Variants in ABCC1 observed in about 807,000 individuals in gnomAD.
ABCC1 encodes multidrug resistance-associated protein 1.
Under a neutral mutation model 172.9 loss-of-function variants are expected in ABCC1, and 83 were observed. The ratio of observed to expected loss-of-function variants is 0.48; its 90% CI spans 0.40 to 0.58. The LOEUF (loss-of-function observed/expected upper bound fraction) is 0.58. Ranked by LOEUF, ABCC1 falls within the 20% of genes least tolerant of loss-of-function variation. The pLI is 0.00. For missense variants in ABCC1, 1,817 were observed against 2,002.7 expected, an observed-to-expected ratio of 0.91 and a Z score of 1.77; for synonymous variants, 937 against 825.2, an observed-to-expected ratio of 1.14 and a Z score of -2.32.
intron 26 of ABCC1, 82 bp downstream of exon 26, chr16:16,125,993 C>A: frequency 1.0e-6 from 1 of 972,266 alleles, no homozygotes. Context: ...ATCCTGTGCA[C>A]CTCTGCCTCT....
intron 25 of ABCC1, among the ~76,000 whole-genome samples, chr16:16,125,437 A>T (rs1039703675): frequency 2.0e-5 from 3 of 151,308 alleles, no homozygotes; most frequent in East Asian, 3.9e-4. Context: ...TTATTTATTT[A>T]TTTTTTTTGG....
chr16:16,060,275 C>T (rs1194091062), intron 12 of ABCC1, among the ~76,000 whole-genome samples: 4 of 152,144 alleles, frequency 2.6e-5, no homozygotes, highest in African/African-American at 9.7e-5. Flanking sequence ...CCTCCTTCCT[C>T]ATGCCCACAG....
intron 3 of ABCC1, among the ~76,000 whole-genome samples, chr16:16,011,828 C>T (rs1195689945): frequency 2.6e-5 from 4 of 152,098 alleles, no homozygotes; most frequent in Non-Finnish European, 5.9e-5. Context: ...CGCCACCACG[C>T]CCGGCTGATT....
intron 16 of ABCC1, among the ~76,000 whole-genome samples, chr16:16,082,626 G>A (rs1005692546): frequency 6.6e-6 from 1 of 152,060 alleles, no homozygotes; most frequent in African/African-American, 2.4e-5. Context: ...GATCCTTCCC[G>A]GATGTCCCAA....
chr16:16,104,174 A>T (rs1412192631), intron 20 of ABCC1, among the ~76,000 whole-genome samples: 7 of 152,168 alleles, frequency 4.6e-5, no homozygotes, highest in Non-Finnish European at 1.0e-4. Flanking sequence ...AGAAAGATTT[A>T]TCGCAAAGAG....
In ABCC1 at chr16:16,125,881, G is replaced by A. The variant is rs143595490; in HGVS notation, c.3789G>A (p.Arg1263=). The change falls in exon 26 of 31, where the codon AGG becomes AGA. Residue 1263 remains arginine, a synonymous_variant. Transcript: ENST00000399410. ...AAACCAACATCGTGGCCGTGGAGAG[G>A]CTCAAGGAGTATTCAGAGACTGAGA... is the stretch of plus-strand genomic sequence containing the variant. ...EMETNIVAVE[R]LKEYSETEKE... The A allele has an allele frequency of 1.5e-4, 244 of 1,614,128 alleles. No homozygotes were observed. The African/African-American group carries it at 2.9e-3, about 19-fold the overall frequency.
At chr16:16,104,291 TGATTGGTCCATTTTACAGAGAGCC>T in intron 20 of ABCC1, among the ~76,000 whole-genome samples, 1 of 152,204 alleles carries the variant, frequency 6.6e-6, no homozygotes, top group Non-Finnish European at 1.5e-5. Context: ...CACATCCTGC[TGATTGGTCCATTTTACAGAGAGCC>T]GATTGGTCTG....
intron 23 of ABCC1, among the ~76,000 whole-genome samples, chr16:16,116,203 C>T (rs906584482): frequency 1.3e-5 from 2 of 151,998 alleles, no homozygotes; most frequent in Non-Finnish European, 2.9e-5. Context: ...TGCGCCCGGC[C>T]CCTTTCATTC....
chr16:16,084,971 C>T (rs973642009), intron 17 of ABCC1, among the ~76,000 whole-genome samples: 2 of 152,118 alleles, frequency 1.3e-5, no homozygotes, highest in Non-Finnish European at 1.5e-5. Context: ...ACATTTTACA[C>T]GTAATTCTTC....
intron 27 of ABCC1, among the ~76,000 whole-genome samples, chr16:16,133,172 C>A (rs2045770313): frequency 1.3e-5 from 2 of 152,230 alleles, no homozygotes; most frequent in South Asian, 4.2e-4. Flanking sequence ...CTGAGTGATA[C>A]CCTTAGACTT....
chr16:15,951,954 T>C (rs1159208213), intron 1 of ABCC1, among the ~76,000 whole-genome samples: 1 of 152,136 alleles, frequency 6.6e-6, no homozygotes, highest in Non-Finnish European at 1.5e-5. Flanking sequence ...CCTCCAAAAG[T>C]GTTGAGATTA....
chr16:16,024,218 CAAAAG>C (rs929519839), intron 5 of ABCC1, among the ~76,000 whole-genome samples: 2 of 151,392 alleles, frequency 1.3e-5, no homozygotes, highest in South Asian at 2.1e-4. Context: ...GACTCTGTCT[CAAAAG>C]AAAGAAAGAA....
rs531442667 is a variant in ABCC1 at position 16,048,180 on chromosome 16, G to C, written c.1257G>C (p.Thr419=). The C allele has an allele frequency of 6.2e-7, 1 of 1,614,140 alleles. No homozygotes were observed. The highest frequency in any genetic ancestry group is 1.1e-5 in the South Asian group (1 of 91,082). The change falls in exon 10 of 31, where the codon ACG becomes ACC. Residue 419 remains threonine, a synonymous_variant. Coordinates refer to ENST00000399410, the MANE Select transcript of ABCC1 (RefSeq NM_004996.4). ...VITNSARKSS[T]VGEIVNLMSV... ...CCAATTCAGCCAGAAAATCCTCCAC[G>C]GTCGGGGAGATTGTCAACCTCATGT... is the stretch of plus-strand genomic sequence containing the variant.
intron 5 of ABCC1, among the ~76,000 whole-genome samples, chr16:16,020,363 C>A (rs1355264920): frequency 6.6e-6 from 1 of 152,178 alleles, no homozygotes; most frequent in African/African-American, 2.4e-5. Flanking sequence ...CCTGAACTTC[C>A]CTCTGGGTTC....
At chr16:15,991,040 G>A (rs1230657462) in intron 1 of ABCC1, among the ~76,000 whole-genome samples, 3 of 152,026 alleles carry the variant, frequency 2.0e-5, no homozygotes, top group Admixed American at 6.6e-5. Flanking sequence ...ACTTGACCAC[G>A]GATAGACATT....
intron 5 of ABCC1, among the ~76,000 whole-genome samples, chr16:16,019,346 C>T (rs2048117135): frequency 1.3e-5 from 2 of 152,112 alleles, no homozygotes; most frequent in African/African-American, 4.8e-5. Flanking sequence ...TCAAGTGATC[C>T]ACCCGCCTCG....
At chr16:15,980,976 A>G (rs1302894399) in intron 1 of ABCC1, among the ~76,000 whole-genome samples, 1 of 152,236 alleles carries the variant, frequency 6.6e-6, no homozygotes, top group Middle Eastern at 3.2e-3. Context: ...ATTTGGCCAA[A>G]ATGAAGGGGC....
intron 20 of ABCC1, chr16:16,105,480 T>C (rs904775492): frequency 3.9e-5 from 6 of 152,208 alleles, no homozygotes; most frequent in African/African-American, 1.4e-4. Context: ...GTTTACCCAA[T>C]CCCAGGCGCT....
chr16:16,081,709 T>C (rs899461185), intron 16 of ABCC1, among the ~76,000 whole-genome samples: 17 of 152,124 alleles, frequency 1.1e-4, no homozygotes, highest in African/African-American at 4.1e-4. Context: ...CTTTGCCCTC[T>C]CTAGAATTCC....
Sources: allele counts gnomAD v4.1 joint callset (sites outside exome capture counted in the v4.1 genomes callset), GRCh38; gene constraint gnomAD v4.1.1; transcripts MANE v1.5; gene names NCBI Gene and HGNC (gene_info 2026-07-23, HGNC 2026-07-21).